The following GCN1 variants were observed in gnomAD, a reference collection of about 807,000 sequenced individuals.
GCN1 encodes stalled ribosome sensor GCN1.
GCN1 carries 90 observed loss-of-function variants against 288.4 expected under a neutral mutation model. The observed-to-expected ratio is 0.31, with a 90% CI of 0.26 to 0.37. The LOEUF is 0.37. GCN1 is among the 10% of genes least tolerant of loss of function. The pLI is 1.00. For synonymous variants in GCN1, 1,386 were observed against 1,420.2 expected (o/e 0.98, Z 0.54); for missense variants, 2,586 against 3,419.9 (o/e 0.76, Z 6.08).
In GCN1 at chr12:120,161,741, C is replaced by T. The variant is rs1036101394; in HGVS notation, c.2342+139G>A. On this transcript the variant is annotated intron_variant, in intron 21 of 57. Transcript: ENST00000300648. ...AAATACCCAGGACCTAAGCACCGTG[C>T]CGGGGACACAACAGGCGCTTAGCCA... The T allele has an allele frequency of 8.8e-5, 84 of 953,272 alleles. No individual in the cohort carries two copies. The South Asian group carries it at 1.3e-3, about 14-fold the overall frequency. The allele number at this position is 953,272 out of a possible 1,614,324, so 59.1% of individuals were successfully genotyped here. A position where few individuals can be genotyped will look rare whatever the true frequency, so the allele number is the denominator to read the frequency against.
chr12:120,190,538 C>T (rs1384455327), intron 1 of GCN1, 138 bp from the exon 2 acceptor site: 6 of 620,336 alleles, frequency 9.7e-6, no homozygotes, highest in Middle Eastern at 2.8e-4. Flanking sequence ...CATTTTGCAC[C>T]GGGTAATTCT....
In GCN1 at chr12:120,156,397, A is replaced by G. The variant is rs2139109264; in HGVS notation, c.3312+64T>C. 1 of 1,507,462 alleles carries G rather than the reference A, an allele frequency of 6.6e-7. No individual in the cohort carries two copies. Among genetic ancestry groups the G allele is most frequent in the East Asian group, 2.3e-5 (1 of 43,920 alleles). 93.4% of individuals were successfully genotyped at this position (1,507,462 alleles called of 1,614,324 possible). On this transcript the variant is annotated intron_variant, in intron 28 of 57. Coordinates refer to ENST00000300648, the MANE Select transcript of GCN1 (RefSeq NM_006836.2). This position sits in a 1 kb window ranked among gnomAD's most constrained non-coding sequence, Gnocchi z 5.8. ...AGGGACATTCTCTCAAATGCCCATC[A>G]TGCAATTTGCACTTGCATAGAGTGA...
In GCN1 at chr12:120,142,486, A is replaced by T. The variant is rs756508549; in HGVS notation, c.5829+21T>A. On this transcript the variant is annotated intron_variant, in intron 44 of 57. Transcript: ENST00000300648. This position sits in a 1 kb window ranked among gnomAD's most constrained non-coding sequence, Gnocchi z 4.9. ...GGAGGCACTGGGGCTGCTGGTCCAA[A>T]ACAAGGCCCAGGAAACTCACCGTTC... is the stretch of plus-strand genomic sequence containing the variant. 1 of 1,598,864 alleles carries T rather than the reference A, an allele frequency of 6.3e-7. No homozygotes were observed. Among genetic ancestry groups the T allele is most frequent in the Non-Finnish European group, 8.6e-7 (1 of 1,166,694 alleles).
At chr12:120,181,081 T>C (rs1187735219) in intron 5 of GCN1, among the ~76,000 whole-genome samples, 3 of 151,810 alleles carry the variant, frequency 2.0e-5, no homozygotes, top group African/African-American at 7.3e-5. Context: ...GTATACAAAA[T>C]GGCATATGTA....
At position 120,144,654 on chromosome 12, in the gene GCN1, G is replaced by A. The variant is rs1329453597; in HGVS notation, c.5337C>T (p.Ile1779=). ...DKFTPYVGPI[I]PCILKALADE... ...TGGTACCTACTTTGAGGATACAGGG[G>A]ATGATGGGCCCCACATAAGGAGTAA... The change falls in exon 41 of 58, where the codon ATC becomes ATT. Residue 1779 remains isoleucine (I), a synonymous_variant. Transcript: ENST00000300648. The surrounding 1 kb of genome is among the most constrained non-coding windows in gnomAD (Gnocchi z 4.7). The A allele has an allele frequency of 1.4e-5, 22 of 1,613,734 alleles. No individual in the cohort carries two copies. Among genetic ancestry groups the A allele is most frequent in the Non-Finnish European group, 1.8e-5 (21 of 1,179,686 alleles).
intron 5 of GCN1, among the ~76,000 whole-genome samples, chr12:120,179,154 T>C (rs753817156): frequency 1.4e-4 from 21 of 152,190 alleles, no homozygotes; most frequent in Non-Finnish European, 2.6e-4. Context: ...TTCCCACTAG[T>C]GTTCGTTTAA....
chr12:120,168,381 G>T, intron 15 of GCN1, 81 bp from the exon 16 acceptor site: 1 of 877,664 alleles, frequency 1.1e-6, no homozygotes, highest in Non-Finnish European at 1.9e-6. Flanking sequence ...AAGCTGCTGG[G>T]GTGGGCTTTG....
chr12:120,149,311 C>T (rs1001268984), intron 36 of GCN1, among the ~76,000 whole-genome samples: 1 of 151,934 alleles, frequency 6.6e-6, no homozygotes, highest in African/African-American at 2.4e-5. Context: ...CACTTGAACC[C>T]AGGAATTCAA....
intron 53 of GCN1, among the ~76,000 whole-genome samples, chr12:120,133,744 C>T (rs1413685015): frequency 6.6e-6 from 1 of 152,214 alleles, no homozygotes; most frequent in Non-Finnish European, 1.5e-5. Flanking sequence ...AGGTCTGGGT[C>T]TCTACAAAGC....
intron 2 of GCN1, among the ~76,000 whole-genome samples, chr12:120,187,861 G>A (rs1303655994): frequency 5.0e-5 from 7 of 140,122 alleles, no homozygotes; most frequent in Non-Finnish European, 1.1e-4. Context: ...ATGCTATACG[G>A]TAAAAACAAA....
Position 120,153,103 on chromosome 12 carries a change from G to A in GCN1, c.4062+110C>T, listed in dbSNP as rs542775838. ...GGGGTGAATCCTTAACAAGAACTGGGCTTTCAGGGCCCTGATTGTCCAACT... is the reference window on the plus strand; with the variant it reads ...GGGGTGAATCCTTAACAAGAACTGGACTTTCAGGGCCCTGATTGTCCAACT... On this transcript the variant is annotated intron_variant, in intron 33 of 57. Coordinates refer to ENST00000300648, the MANE Select transcript of GCN1 (RefSeq NM_006836.2). This position sits in a 1 kb window ranked among gnomAD's most constrained non-coding sequence, Gnocchi z 4.4. 5.9e-6 allele frequency: 5 copies of A among 845,940 alleles called. No homozygotes were observed. Among genetic ancestry groups the A allele is most frequent in the African/African-American group, 3.4e-5 (2 of 59,174 alleles). 52.4% of individuals were successfully genotyped at this position (845,940 alleles called of 1,614,324 possible). A position where few individuals can be genotyped will look rare whatever the true frequency, so the allele number is the denominator to read the frequency against.
Position 120,177,568 on chromosome 12 carries a change from A to G in GCN1, c.730-13T>C. On this transcript the variant is annotated splice_polypyrimidine_tract_variant and intron_variant, in intron 8 of 57. Transcript: ENST00000300648. ...GGGCACAGCTATCCTACAAAGAAAAAGGAATAAGGCACCTAGCCCTCATGG... is the reference window on the plus strand; with the variant it reads ...GGGCACAGCTATCCTACAAAGAAAAGGGAATAAGGCACCTAGCCCTCATGG... 1 of 1,575,186 alleles carries G rather than the reference A, an allele frequency of 6.3e-7. No individual in the cohort carries two copies. The highest frequency in any genetic ancestry group is 8.7e-7 in the Non-Finnish European group (1 of 1,144,544).
At chr12:120,162,762 C>A in intron 20 of GCN1, 85 bp downstream of exon 20, 1 of 1,440,000 alleles carries the variant, frequency 6.9e-7, no homozygotes, top group South Asian at 1.3e-5. Context: ...TCTTCACCTG[C>A]TTCTTTGAAT....
chr12:120,143,945 G>A (rs1877278300), intron 42 of GCN1, among the ~76,000 whole-genome samples: 1 of 152,178 alleles, frequency 6.6e-6, no homozygotes, highest in Non-Finnish European at 1.5e-5. Flanking sequence ...TTTCTCAACT[G>A]GAGTTATCAA....
chr12:120,194,676 T>C lies in GCN1; in HGVS notation c.18+4A>G, dbSNP rs1488590759. On this transcript the variant is annotated splice_donor_region_variant and intron_variant, in intron 1 of 57. Coordinates refer to ENST00000300648, the MANE Select transcript of GCN1 (RefSeq NM_006836.2). ...CGCGTTGGCCCCGCAGCCGCCCGCCTCACCTGCGTGTCCGCCGCCATCCTG... is the reference window on the plus strand; with the variant it reads ...CGCGTTGGCCCCGCAGCCGCCCGCCCCACCTGCGTGTCCGCCGCCATCCTG... The C allele has an allele frequency of 2.0e-6, 3 of 1,514,104 alleles. No homozygotes were observed. The highest frequency in any genetic ancestry group is 1.8e-6 in the Non-Finnish European group (2 of 1,137,712). 93.8% of individuals were successfully genotyped at this position (1,514,104 alleles called of 1,614,324 possible). A position where few individuals can be genotyped will look rare whatever the true frequency, so the allele number is the denominator to read the frequency against.
intron 42 of GCN1, among the ~76,000 whole-genome samples, chr12:120,143,447 TGGCA>T (rs1378512912): frequency 6.6e-6 from 1 of 152,178 alleles, no homozygotes; most frequent in Non-Finnish European, 1.5e-5. Flanking sequence ...CCAGGCGTGC[TGGCA>T]GGTGCCTGTA....
rs770361965 is a variant in GCN1, at chr12:120,137,529, T to A, written c.6663+16A>T. On this transcript the variant is annotated intron_variant, in intron 49 of 57. Coordinates refer to ENST00000300648, the MANE Select transcript of GCN1 (RefSeq NM_006836.2). The surrounding 1 kb of genome is among the most constrained non-coding windows in gnomAD (Gnocchi z 5.2). ...CTAAAAGCAAAAGTTGGCTGTGGGG[T>A]CAGCAGTCCCCTCACCTTAGTGATG... 1 of 1,608,892 alleles carries A rather than the reference T, an allele frequency of 6.2e-7. No homozygotes were observed. The highest frequency in any genetic ancestry group is 8.5e-7 in the Non-Finnish European group (1 of 1,175,864).
Position 120,170,275 on chromosome 12 carries a change from C to T in GCN1, c.1413G>A (p.Gln471=), listed in dbSNP as rs1236224757. The T allele has an allele frequency of 6.2e-7, 1 of 1,614,028 alleles. No individual in the cohort carries two copies. The highest frequency in any genetic ancestry group is 1.7e-5 in the Admixed American group (1 of 59,998). ...TTTGGGAGGCTGCCTTCTCCACTGT[C>T]TGGATGAGCAAGGGCAGTAAGTCCA... ...QALDLLPLLI[Q]TVEKAASQST... Residue 471 remains glutamine, a synonymous_variant, in exon 15 of 58, where the codon CAG becomes CAA. Transcript: ENST00000300648.
chr12:120,145,883 C>T (rs1463609125), intron 38 of GCN1, among the ~76,000 whole-genome samples: 2 of 152,088 alleles, frequency 1.3e-5, no homozygotes, highest in Non-Finnish European at 2.9e-5. Context: ...TATTATGTAA[C>T]TATTAAAAAT....
Sources: allele counts gnomAD v4.1 joint callset (sites outside exome capture counted in the v4.1 genomes callset), GRCh38; gene constraint gnomAD v4.1.1; non-coding constraint Gnocchi (gnomAD v3.1); transcripts MANE v1.5; gene names NCBI Gene and HGNC (gene_info 2026-07-23, HGNC 2026-07-21).